UTRN: variants seen among roughly 807,000 people sequenced by gnomAD.
The protein encoded by UTRN is utrophin, also known as dystrophin-related protein 1.
Under a neutral mutation model 463.9 loss-of-function variants are expected in UTRN, and 283 were observed. The observed-to-expected ratio is 0.61, with a 90% CI of 0.55 to 0.67. The LOEUF is 0.67. UTRN is among the 30% of genes least tolerant of loss of function. The pLI is 0.00. For missense variants in UTRN, 3,922 were observed against 4,084.3 expected, an observed-to-expected ratio of 0.96 and a Z score of 1.08; for synonymous variants, 1,442 against 1,431.5, an observed-to-expected ratio of 1.01 and a Z score of -0.17.
intron 51 of UTRN, chr6:144,659,983 A>G (rs891334094): frequency 6.7e-5 from 20 of 300,296 alleles, no homozygotes; most frequent in African/African-American, 2.8e-4. Flanking sequence ...GAAATACAGA[A>G]GCAGGTCTAT....
intron 61 of UTRN, 88 bp from the exon 62 acceptor site, chr6:144,789,106 C>A: frequency 9.6e-7 from 1 of 1,040,218 alleles, no homozygotes; most frequent in Non-Finnish European, 1.4e-6. Context: ...TGATGGTTTA[C>A]CCCCAAGAAA....
chr6:144,798,705 C>T (rs1562926392), intron 64 of UTRN, among the ~76,000 whole-genome samples: 1 of 152,178 alleles, frequency 6.6e-6, no homozygotes, highest in Non-Finnish European at 1.5e-5. Context: ...ACAACATAAG[C>T]CTACTCAGTA....
intron 67 of UTRN, 92 bp from the exon 68 acceptor site, chr6:144,827,519 C>G: frequency 1.3e-6 from 2 of 1,592,424 alleles, no homozygotes; most frequent in Non-Finnish European, 1.7e-6. Context: ...GTTTGCATGG[C>G]AGATTCATTA....
intron 51 of UTRN, among the ~76,000 whole-genome samples, chr6:144,578,894 C>A (rs930646554): frequency 2.0e-5 from 3 of 152,146 alleles, no homozygotes; most frequent in African/African-American, 7.2e-5. Context: ...ATGTGTGGAT[C>A]TGGATGAAGG....
intron 26 of UTRN, among the ~76,000 whole-genome samples, chr6:144,481,839 C>A (rs973731979): frequency 1.3e-5 from 2 of 152,228 alleles, no homozygotes; most frequent in Non-Finnish European, 2.9e-5. Flanking sequence ...GGGTGGATCA[C>A]CTCAGGTCAG....
rs191141312 is a variant in UTRN, at chr6:144,672,353, C to T, written c.7480-6053C>T. 8.6e-4 allele frequency among the ~76,000 whole-genome samples: 131 copies of T among 151,566 alleles called. 1 individual carries two copies. The East Asian group carries it at 0.019, about 22-fold the overall frequency. ...CTTGCTGCTTGTTACTAGTCTATTC[C>T]GAGTTTCTCTTTCTTCCTGGTTTAA... is the stretch of plus-strand genomic sequence containing the variant. On this transcript the variant is annotated intron_variant, in intron 51 of 74. Coordinates refer to ENST00000367545, the MANE Select transcript of UTRN (RefSeq NM_007124.3).
intron 2 of UTRN, among the ~76,000 whole-genome samples, chr6:144,310,727 G>C (rs928734034): frequency 3.3e-5 from 5 of 152,202 alleles, no homozygotes; most frequent in Non-Finnish European, 7.3e-5. Flanking sequence ...GCATTGAGCT[G>C]AGATCGTGCT....
intron 2 of UTRN, among the ~76,000 whole-genome samples, chr6:144,317,750 T>C (rs937422791): frequency 2.0e-5 from 3 of 152,216 alleles, no homozygotes; most frequent in Non-Finnish European, 2.9e-5. Flanking sequence ...ATTAGTACCT[T>C]CTCTTACCTT....
chr6:144,591,861 G>A (rs1479823017), intron 51 of UTRN, among the ~76,000 whole-genome samples: 4 of 151,992 alleles, frequency 2.6e-5, no homozygotes, highest in Non-Finnish European at 4.4e-5. Context: ...TTTTTCTTCA[G>A]GGTAAATGTT....
chr6:144,753,928 A>G (rs1791682879), intron 56 of UTRN, among the ~76,000 whole-genome samples: 1 of 152,132 alleles, frequency 6.6e-6, no homozygotes, highest in Non-Finnish European at 1.5e-5. Context: ...GAGTACATTA[A>G]TATGCCTGTA....
At chr6:144,376,489 C>G (rs568066379) in intron 2 of UTRN, among the ~76,000 whole-genome samples, 1 of 151,690 alleles carries the variant, frequency 6.6e-6, no homozygotes, top group South Asian at 2.1e-4. Context: ...GAGACAGAGG[C>G]CTCACTATGT....
At chr6:144,356,900 C>T (rs201927448) in intron 2 of UTRN, among the ~76,000 whole-genome samples, 2 of 96,076 alleles carry the variant, frequency 2.1e-5, no homozygotes, top group East Asian at 3.2e-4. Context: ...TGTATATATA[C>T]ACACACACAT....
intron 52 of UTRN, among the ~76,000 whole-genome samples, chr6:144,682,353 A>G (rs892539360): frequency 6.6e-6 from 1 of 152,214 alleles, no homozygotes; most frequent in Non-Finnish European, 1.5e-5. Context: ...TCCATTTTGT[A>G]TAAATACATT....
chr6:144,650,913 AATAAT>A (rs1562708706), intron 51 of UTRN, among the ~76,000 whole-genome samples: 4 of 151,746 alleles, frequency 2.6e-5, no homozygotes, highest in African/African-American at 4.8e-5. Flanking sequence ...TGTCTCAAAT[AATAAT>A]AATAATAATA....
At chr6:144,309,950 C>T (rs1049083250) in intron 2 of UTRN, among the ~76,000 whole-genome samples, 1 of 152,230 alleles carries the variant, frequency 6.6e-6, no homozygotes, top group Non-Finnish European at 1.5e-5. Flanking sequence ...ACTCCCTCCT[C>T]TCAGAGAGCT....
At chr6:144,849,562 C>CCCCTTTCCCATATTCTTCCTT (rs1417313408) in intron 74 of UTRN, among the ~76,000 whole-genome samples, 1 of 152,114 alleles carries the variant, frequency 6.6e-6, no homozygotes, top group African/African-American at 2.4e-5. Context: ...ATACAAGAGG[C>CCCCTTTCCCATATTCTTCCTT]CCCTTTCCCA....
Position 144,702,302 on chromosome 6 carries a change from C to G in UTRN, c.7809+2059C>G, listed in dbSNP as rs529658828. 5.2e-4 allele frequency among the ~76,000 whole-genome samples: 79 copies of G among 152,318 alleles called. 1 individual carries two copies. In the South Asian group the frequency reaches 0.015, roughly 29 times the overall value. On this transcript the variant is annotated intron_variant, in intron 53 of 74. Coordinates refer to ENST00000367545, the MANE Select transcript of UTRN (RefSeq NM_007124.3). ...ACCTGGATTTAGGTTGTGTTTTGCT[C>G]TATCTTAGAGCACTGCAGGCAGTTG...
intron 53 of UTRN, among the ~76,000 whole-genome samples, chr6:144,710,768 A>G (rs1422125772): frequency 2.0e-5 from 3 of 152,212 alleles, no homozygotes; most frequent in Non-Finnish European, 4.4e-5. Flanking sequence ...TATAGGCTAC[A>G]TGAGCAGTTT....
chr6:144,657,731 G>A (rs1005407799), intron 51 of UTRN, among the ~76,000 whole-genome samples: 8 of 152,160 alleles, frequency 5.3e-5, no homozygotes, highest in African/African-American at 1.4e-4. Flanking sequence ...CGGAGTTTTT[G>A]TTTAATTCAC....
Sources: gnomAD v4.1 joint callset for allele counts (sites outside exome capture counted in the v4.1 genomes callset) on GRCh38, gnomAD v4.1.1 for gene constraint, MANE v1.5 for transcripts, NCBI Gene and HGNC (gene_info 2026-07-23, HGNC 2026-07-21) for gene names.